NEBL: variants seen among roughly 807,000 people sequenced by gnomAD.
The protein encoded by NEBL is LIM and SH3 protein 2.
Under a neutral mutation model 140.2 loss-of-function variants are expected in NEBL, and 122 were observed. The observed-to-expected ratio is 0.87, with a 90% CI of 0.75 to 1.01. The LOEUF (loss-of-function observed/expected upper bound fraction) is 1.01. Among genes scored for constraint, NEBL ranks in the 50% least tolerant of loss-of-function variants. The probability of loss-of-function intolerance (pLI) is 0.00; values close to 1 mark genes in which losing one functional copy is unlikely to be tolerated. For missense variants in NEBL, 1,365 were observed against 1,231.3 expected (o/e 1.11, Z -1.62); for synonymous variants, 436 against 398.9 (o/e 1.09, Z -1.11).
At chr10:20,941,610 A>C (rs895099598) in intron 4 of NEBL, among the ~76,000 whole-genome samples, 19 of 150,408 alleles carry the variant, frequency 1.3e-4, no homozygotes, top group Non-Finnish European at 2.8e-4. Context: ...AAGGAAATAA[A>C]GGGTATTCAA....
At chr10:21,245,781 C>T (rs945051970) in intron 3 of NEBL, among the ~76,000 whole-genome samples, 3 of 152,194 alleles carry the variant, frequency 2.0e-5, no homozygotes, top group Non-Finnish European at 2.9e-5. Context: ...CTGCAAGCTC[C>T]ACCTCCTGGG....
At chr10:21,118,423 G>A (rs61851472) in intron 2 of NEBL, among the ~76,000 whole-genome samples, 3,132 of 152,104 alleles carry the variant, frequency 0.021, 50 homozygotes, top group Non-Finnish European at 0.032. Context: ...AATCCTGAAC[G>A]CATACTTAAA....
chr10:21,021,263 G>A (rs977336746), intron 2 of NEBL, among the ~76,000 whole-genome samples: 9 of 152,186 alleles, frequency 5.9e-5, no homozygotes, highest in South Asian at 2.1e-4. Context: ...CACATTTATC[G>A]TTTAGGTGAC....
At chr10:21,066,791 G>A (rs1378172736) in intron 2 of NEBL, among the ~76,000 whole-genome samples, 2 of 148,810 alleles carry the variant, frequency 1.3e-5, no homozygotes, top group Non-Finnish European at 3.0e-5. Flanking sequence ...CAAAATCATT[G>A]TTCTCTTACA....
At chr10:20,967,288 G>A (rs1337395850) in intron 3 of NEBL, among the ~76,000 whole-genome samples, 3 of 152,164 alleles carry the variant, frequency 2.0e-5, no homozygotes, top group Middle Eastern at 3.2e-3. Flanking sequence ...GGATCTATGT[G>A]GATGAGTCTC....
intron 4 of NEBL, among the ~76,000 whole-genome samples, chr10:20,913,290 T>C (rs1392277261): frequency 6.6e-6 from 1 of 152,098 alleles, no homozygotes; most frequent in Non-Finnish European, 1.5e-5. Flanking sequence ...AAGCAATTAT[T>C]CATTCCTAAA....
intron 3 of NEBL, among the ~76,000 whole-genome samples, chr10:20,984,897 T>C (rs538989093): frequency 2.0e-5 from 3 of 152,240 alleles, no homozygotes; most frequent in Non-Finnish European, 4.4e-5. Flanking sequence ...GCGGTGGCAT[T>C]AGATTCTCAT....
intron 2 of NEBL, among the ~76,000 whole-genome samples, chr10:21,117,348 G>A (rs1838332006): frequency 6.6e-6 from 1 of 152,072 alleles, no homozygotes; most frequent in South Asian, 2.1e-4. Context: ...AAACTCAGCA[G>A]ATCTCCAGAG....
At chr10:21,134,848 C>T (rs746044060) in intron 2 of NEBL, among the ~76,000 whole-genome samples, 3 of 152,188 alleles carry the variant, frequency 2.0e-5, no homozygotes, top group South Asian at 2.1e-4. Context: ...CTGGAAGGTA[C>T]GCTACTCTGC....
At chr10:20,942,655 C>G (rs886824311) in intron 4 of NEBL, among the ~76,000 whole-genome samples, 1 of 152,074 alleles carries the variant, frequency 6.6e-6, no homozygotes, top group Non-Finnish European at 1.5e-5. Context: ...AACAGGTGAC[C>G]TACAGAATGG....
intron 2 of NEBL, among the ~76,000 whole-genome samples, chr10:21,132,782 G>A (rs1052411981): frequency 6.6e-6 from 1 of 152,104 alleles, no homozygotes; most frequent in African/African-American, 2.4e-5. Flanking sequence ...AATCTTCTTG[G>A]GAGAAATGTC....
At chr10:21,128,647 C>T (rs940534692) in intron 2 of NEBL, among the ~76,000 whole-genome samples, 5 of 151,812 alleles carry the variant, frequency 3.3e-5, no homozygotes, top group East Asian at 1.9e-4. Flanking sequence ...ATGGAAAGGG[C>T]GAGAGAACAA....
Position 20,941,002 on chromosome 10 carries a change from G to A in NEBL, c.357+20670C>T, listed in dbSNP as rs573923569. 2.9e-3 allele frequency among the ~76,000 whole-genome samples: 439 copies of A among 152,282 alleles called. 2 individuals carry two copies. The highest frequency in any genetic ancestry group is 0.01 in the African/African-American group (426 of 41,550). The stretch of plus-strand genomic sequence containing the variant: ...ATGGATTCACAGCCGAATTCTACCA[G>A]AGGTACAAGAAGGAGCTGGTACCAT... On this transcript the variant is annotated intron_variant, in intron 4 of 6. Coordinates refer to the NEBL transcript ENST00000417816.
At chr10:20,793,168 G>C (rs921062898) in intron 26 of NEBL, among the ~76,000 whole-genome samples, 1 of 152,122 alleles carries the variant, frequency 6.6e-6, no homozygotes, top group Non-Finnish European at 1.5e-5. Context: ...CGAAGAAACA[G>C]GCTTACTGCA....
At chr10:21,040,560 G>A (rs1427756579) in intron 2 of NEBL, among the ~76,000 whole-genome samples, 3 of 152,182 alleles carry the variant, frequency 2.0e-5, no homozygotes, top group African/African-American at 7.2e-5. Flanking sequence ...AACTAACAGA[G>A]CGAGAACTCA....
intron 2 of NEBL, chr10:21,125,710 A>G: frequency 1.3e-6 from 1 of 750,362 alleles, no homozygotes; most frequent in South Asian, 1.8e-5. Context: ...TGCACCCTAC[A>G]GAGCTGCCTT....
chr10:20,858,405 T>C, intron 8 of NEBL, 61 bp from the exon 9 acceptor site: 1 of 1,349,916 alleles, frequency 7.4e-7, no homozygotes, highest in Non-Finnish European at 1.1e-6. Context: ...GCTTTTGCAT[T>C]ATTGCATTTT....
rs1361914369 is a variant in NEBL, at chr10:21,185,523, A to T, written n.349-13046T>A. Among the ~76,000 whole-genome samples the T allele has an allele frequency of 2.8e-4, 29 of 104,560 alleles. No homozygotes were observed. In the Admixed American group the frequency reaches 3.4e-3, roughly 12 times the overall value. The allele number at this position is 104,560 out of a possible 152,430, so 68.6% of individuals were successfully genotyped here. On this transcript the variant is annotated intron_variant and non_coding_transcript_variant, in intron 3 of 8. Transcript: ENST00000675702. ...TTTTTTTTTTTTTTTTTTGACATAG[A>T]GTCTAGCTCTGTCGCCCAGGTTGGA...
At chr10:20,851,585 C>A (rs1842521398) in intron 10 of NEBL, among the ~76,000 whole-genome samples, 1 of 150,602 alleles carries the variant, frequency 6.6e-6, no homozygotes. Flanking sequence ...ACCAGCCTGG[C>A]CAATATAGTG....
Sources: allele counts gnomAD v4.1 joint callset (sites outside exome capture counted in the v4.1 genomes callset), GRCh38; gene constraint gnomAD v4.1.1; transcripts MANE v1.5; gene names NCBI Gene and HGNC (gene_info 2026-07-23, HGNC 2026-07-21).